CELF4: variants seen among roughly 807,000 people sequenced by gnomAD.
CELF4 encodes CUGBP Elav-like family member 4, also known as CUG-BP- and ETR-3-like factor 4.
Under a neutral mutation model 59.9 loss-of-function variants are expected in CELF4, and 18 were observed. The ratio of observed to expected loss-of-function variants is 0.30; its 90% confidence interval spans 0.21 to 0.45. The LOEUF (loss-of-function observed/expected upper bound fraction) is 0.45, where lower values mean the gene tolerates loss of function less well. Ranked by LOEUF, CELF4 falls within the 20% of genes least tolerant of loss-of-function variation. The probability of loss-of-function intolerance (pLI) is 1.00; values close to 1 mark genes in which losing one functional copy is unlikely to be tolerated. For missense variants in CELF4, 456 were observed against 689.0 expected (o/e 0.66, Z 3.79); for synonymous variants, 261 against 267.1 (o/e 0.98, Z 0.22).
intron 2 of CELF4, among the ~76,000 whole-genome samples, chr18:37,346,924 G>C (rs1295069398): frequency 6.6e-6 from 1 of 152,062 alleles, no homozygotes; most frequent in Non-Finnish European, 1.5e-5. Context: ...GGGTATCTTT[G>C]GTGGATCTGG....
chr18:37,525,081 G>C (rs1163696791), intron 1 of CELF4, among the ~76,000 whole-genome samples: 4 of 152,252 alleles, frequency 2.6e-5, no homozygotes, highest in Admixed American at 1.3e-4. Flanking sequence ...CCACCCTTCT[G>C]GTATCCCTTT....
intron 2 of CELF4, among the ~76,000 whole-genome samples, chr18:37,360,642 G>GGGC (rs2098688923): frequency 6.6e-6 from 1 of 152,232 alleles, no homozygotes; most frequent in African/African-American, 2.4e-5. Flanking sequence ...GAGGCAGGCA[G>GGGC]TCTCGTTGCA....
chr18:37,404,077 G>A (rs1190644276), intron 2 of CELF4, among the ~76,000 whole-genome samples: 1 of 152,170 alleles, frequency 6.6e-6, no homozygotes, highest in East Asian at 1.9e-4. Flanking sequence ...TCCCCTCTGG[G>A]GCCCGGCCAG....
chr18:37,496,524 A>T (rs2154603707), intron 1 of CELF4, among the ~76,000 whole-genome samples: 1 of 152,300 alleles, frequency 6.6e-6, no homozygotes, highest in South Asian at 2.1e-4. Context: ...ACACAACAAC[A>T]ACAATAAATT....
chr18:37,244,407 T>G lies in CELF4; in HGVS notation c.*835A>C, dbSNP rs2061340393. On this transcript the variant is annotated 3_prime_UTR_variant, in exon 13 of 13. Transcript: ENST00000420428. ...TGCTTTCCCCAAATATCCACCAATT[T>G]GTTCATCTTTTAACAGCTCCATCCA... is the stretch of plus-strand genomic sequence containing the variant. 1.3e-5 allele frequency: 2 copies of G among 152,532 alleles called. No individual in the cohort carries two copies. Among genetic ancestry groups the G allele is most frequent in the African/African-American group, 4.8e-5 (2 of 41,440 alleles). The allele number at this position is 152,532 out of a possible 1,614,324, so 9.4% of individuals were successfully genotyped here. A position where few individuals can be genotyped will look rare whatever the true frequency, so the allele number is the denominator to read the frequency against.
intron 3 of CELF4, among the ~76,000 whole-genome samples, chr18:37,318,509 AACTT>A (rs902015660): frequency 6.6e-6 from 1 of 151,138 alleles, no homozygotes; most frequent in Non-Finnish European, 1.5e-5. Context: ...ATTTTAAACT[AACTT>A]TCTTTTAAAA....
intron 11 of CELF4, among the ~76,000 whole-genome samples, chr18:37,258,658 G>A (rs1480076016): frequency 6.6e-6 from 1 of 152,182 alleles, no homozygotes; most frequent in African/African-American, 2.4e-5. Flanking sequence ...GAGAGCTGGA[G>A]AGAGGAGGCG....
In CELF4 at chr18:37,540,393, C is replaced by T. The variant is rs560757028; in HGVS notation, c.286+24963G>A. Among the ~76,000 whole-genome samples, 64 of 152,112 alleles carry T rather than the reference C, an allele frequency of 4.2e-4. 1 individual carries two copies. In the South Asian group the frequency reaches 0.011, roughly 27 times the overall value. On this transcript the variant is annotated intron_variant, in intron 1 of 12. Transcript: ENST00000420428. Reference sequence around the variant, plus strand: ...TTTTTTTACTTTAAAACAGGGAAAACGGGCCAGCGGTCTGCCTCAGGCATT... The same window carrying T: ...TTTTTTTACTTTAAAACAGGGAAAATGGGCCAGCGGTCTGCCTCAGGCATT...
At chr18:37,260,540 A>T (rs1414612994) in intron 10 of CELF4, among the ~76,000 whole-genome samples, 1 of 152,196 alleles carries the variant, frequency 6.6e-6, no homozygotes, top group East Asian at 1.9e-4. Flanking sequence ...TCAACAGTGA[A>T]GGCTGTAAGG....
At chr18:37,536,459 C>G (rs1176836108) in intron 1 of CELF4, among the ~76,000 whole-genome samples, 3 of 152,222 alleles carry the variant, frequency 2.0e-5, no homozygotes, top group Non-Finnish European at 4.4e-5. Context: ...GAGCAACAGC[C>G]ATCTTCTCAG....
chr18:37,403,533 G>A (rs982015124), intron 2 of CELF4, among the ~76,000 whole-genome samples: 30 of 152,104 alleles, frequency 2.0e-4, no homozygotes, highest in African/African-American at 7.0e-4. Flanking sequence ...GTTTGCATGT[G>A]ACTCCGTGTG....
At chr18:37,372,223 A>G (rs2098901477) in intron 2 of CELF4, among the ~76,000 whole-genome samples, 1 of 152,248 alleles carries the variant, frequency 6.6e-6, no homozygotes, top group Non-Finnish European at 1.5e-5. Flanking sequence ...AAAGACTTGG[A>G]ACCAACCCAA....
At chr18:37,349,322 G>C (rs993622550) in intron 2 of CELF4, among the ~76,000 whole-genome samples, 2 of 152,178 alleles carry the variant, frequency 1.3e-5, no homozygotes, top group Non-Finnish European at 2.9e-5. Flanking sequence ...GGACACGTTG[G>C]GGGGAGAAAC....
At chr18:37,277,444 C>T (rs1459050579) in intron 3 of CELF4, among the ~76,000 whole-genome samples, 1 of 152,122 alleles carries the variant, frequency 6.6e-6, no homozygotes, top group African/African-American at 2.4e-5. Flanking sequence ...ACTCCAGGCT[C>T]TGGGGCACAA....
chr18:37,544,609 A>T (rs1042728478), intron 1 of CELF4, among the ~76,000 whole-genome samples: 6 of 152,170 alleles, frequency 3.9e-5, no homozygotes, highest in African/African-American at 1.4e-4. Context: ...GTACGTATGT[A>T]TGTGTGTAAG....
chr18:37,560,339 A>G (rs1402933889), intron 1 of CELF4, among the ~76,000 whole-genome samples: 1 of 152,260 alleles, frequency 6.6e-6, no homozygotes, highest in Non-Finnish European at 1.5e-5. Context: ...TAAGCAGCAA[A>G]TAACCATCAG....
At chr18:37,479,031 C>T (rs2099858707) in intron 2 of CELF4, among the ~76,000 whole-genome samples, 1 of 152,226 alleles carries the variant, frequency 6.6e-6, no homozygotes, top group South Asian at 2.1e-4. Flanking sequence ...ATTCACCTAA[C>T]CCAGGAGAGA....
chr18:37,499,946 G>A (rs144806963), intron 1 of CELF4, among the ~76,000 whole-genome samples: 10 of 152,308 alleles, frequency 6.6e-5, no homozygotes, highest in African/African-American at 1.4e-4. Flanking sequence ...AAAGGAGCAC[G>A]AGTCAATCAT....
intron 1 of CELF4, among the ~76,000 whole-genome samples, chr18:37,551,556 G>C (rs1008497419): frequency 2.0e-5 from 3 of 152,188 alleles, no homozygotes; most frequent in African/African-American, 7.2e-5. Context: ...CCTGTGCTGG[G>C]GGCAGGAGCA....
Sources: gnomAD v4.1 joint callset for allele counts (sites outside exome capture counted in the v4.1 genomes callset) on GRCh38, gnomAD v4.1.1 for gene constraint, MANE v1.5 for transcripts, NCBI Gene and HGNC (gene_info 2026-07-23, HGNC 2026-07-21) for gene names.